The following LRRC37A2 variants were observed in gnomAD, a reference collection of about 807,000 sequenced individuals.
LRRC37A2 encodes the protein leucine rich repeat containing 37 member A2, also known as leucine-rich repeat-containing protein 37A2.
A neutral mutation model predicts 68.8 loss-of-function variants in LRRC37A2; 9 were observed. The ratio of observed to expected loss-of-function variants is 0.13; its 90% CI spans 0.08 to 0.23. The LOEUF (loss-of-function observed/expected upper bound fraction) is 0.23, where lower values mean the gene tolerates loss of function less well. LRRC37A2 is among the 10% of genes least tolerant of loss of function. The pLI is 1.00. For missense variants in LRRC37A2, 168 were observed against 950.4 expected, an observed-to-expected ratio of 0.18 and a Z score of 10.82; for synonymous variants, 63 against 367.6, an observed-to-expected ratio of 0.17 and a Z score of 9.48.
the LRRC37A2 span, among the ~76,000 whole-genome samples, chr17:46,848,932 G>GCACACACA: frequency 0.1 from 15,146 of 146,208 alleles, 794 homozygotes; most frequent in Admixed American, 0.11. Flanking sequence ...GTGTGCACGT[G>GCACACACA]CACACACACA....
chr17:46,921,510 C>T, the LRRC37A2 span, among the ~76,000 whole-genome samples: 3 of 152,158 alleles, frequency 2.0e-5, no homozygotes, highest in African/African-American at 7.2e-5. Flanking sequence ...AGAGCTTCTG[C>T]ACAGCAAAAG....
the LRRC37A2 span, among the ~76,000 whole-genome samples, chr17:46,495,478 A>C: frequency 6.8e-6 from 1 of 147,676 alleles, no homozygotes; most frequent in African/African-American, 2.6e-5. Flanking sequence ...TCCACCTCCC[A>C]GGTTGAAATT....
At chr17:46,405,794 T>C in the LRRC37A2 span, among the ~76,000 whole-genome samples, 1 of 89,460 alleles carries the variant, frequency 1.1e-5, no homozygotes, top group Non-Finnish European at 2.4e-5. Flanking sequence ...AATGAACCCT[T>C]CAGTCATAGA....
the LRRC37A2 span, among the ~76,000 whole-genome samples, chr17:46,597,680 C>CT: frequency 1.4e-5 from 1 of 70,964 alleles, no homozygotes; most frequent in Non-Finnish European, 2.5e-5. Context: ...TGTGTATAGA[C>CT]TTTATTATTT....
chr17:46,407,310 T>TA, the LRRC37A2 span, among the ~76,000 whole-genome samples: 2 of 11,838 alleles, frequency 1.7e-4, no homozygotes, highest in East Asian at 1.2e-3. Context: ...TATGGAGGCT[T>TA]ACGCCTGTAA....
At chr17:47,007,623 A>G in the LRRC37A2 span, among the ~76,000 whole-genome samples, 2 of 152,238 alleles carry the variant, frequency 1.3e-5, no homozygotes, top group African/African-American at 4.8e-5. Flanking sequence ...TCTTTGGCCA[A>G]TAACTGTTCG....
At chr17:46,934,283 C>G in the LRRC37A2 span, among the ~76,000 whole-genome samples, 1 of 152,064 alleles carries the variant, frequency 6.6e-6, no homozygotes, top group Non-Finnish European at 1.5e-5. Flanking sequence ...TGGACAGATT[C>G]CTTGAGCACA....
the LRRC37A2 span, among the ~76,000 whole-genome samples, chr17:46,829,949 G>C: frequency 6.6e-6 from 1 of 152,130 alleles, no homozygotes; most frequent in Non-Finnish European, 1.5e-5. Flanking sequence ...CCTTGGCAGG[G>C]TTAAATGGCA....
chr17:46,997,241 A>T, the LRRC37A2 span, among the ~76,000 whole-genome samples: 2 of 152,050 alleles, frequency 1.3e-5, no homozygotes, highest in East Asian at 1.9e-4. Context: ...AGTCTCAGCT[A>T]CTCAGGTGGC....
chr17:46,931,657 T>TCCC, the LRRC37A2 span: 1 of 279,390 alleles, frequency 3.6e-6, no homozygotes, highest in Admixed American at 5.1e-5. Context: ...CCTTGCCACC[T>TCCC]CCACCCCCAG....
At chr17:46,984,603 G>A in the LRRC37A2 span, among the ~76,000 whole-genome samples, 1 of 152,208 alleles carries the variant, frequency 6.6e-6, no homozygotes, top group Non-Finnish European at 1.5e-5. Context: ...TGCTGTCTCT[G>A]CAGCTGTTTC....
chr17:46,736,732 C>T, the LRRC37A2 span, among the ~76,000 whole-genome samples: 1 of 152,234 alleles, frequency 6.6e-6, no homozygotes, highest in Non-Finnish European at 1.5e-5. Flanking sequence ...TTAAATGAGA[C>T]TACCTTTGTA....
the LRRC37A2 span, among the ~76,000 whole-genome samples, chr17:46,462,179 T>G: frequency 5.5e-4 from 42 of 77,058 alleles, 17 homozygotes; most frequent in South Asian, 0.016. Context: ...GTGATGATAA[T>G]AAAAAGGTAA....
chr17:46,839,929 TTTC>T, the LRRC37A2 span, among the ~76,000 whole-genome samples: 1 of 126,894 alleles, frequency 7.9e-6, no homozygotes, highest in Non-Finnish European at 1.7e-5. Flanking sequence ...TCTTTCTTTC[TTTC>T]TTTCTTTCTT....
At chr17:46,925,507 C>T in the LRRC37A2 span, among the ~76,000 whole-genome samples, 2 of 152,192 alleles carry the variant, frequency 1.3e-5, no homozygotes, top group Non-Finnish European at 2.9e-5. Context: ...TTCTAGACCT[C>T]CTTACTTTAT....
At chr17:46,740,811 AC>A in the LRRC37A2 span, among the ~76,000 whole-genome samples, 1 of 151,898 alleles carries the variant, frequency 6.6e-6, no homozygotes, top group African/African-American at 2.4e-5. Context: ...ACAGGCATGC[AC>A]CACCACGTCC....
the LRRC37A2 span, among the ~76,000 whole-genome samples, chr17:46,822,703 G>C: frequency 2.6e-5 from 4 of 152,322 alleles, no homozygotes; most frequent in Middle Eastern, 3.4e-3. Context: ...GAGCTTAGCT[G>C]GGGATAAGGG....
At chr17:46,763,365 G>GAGT in the LRRC37A2 span, 1 of 152,166 alleles carries the variant, frequency 6.6e-6, no homozygotes, top group African/African-American at 2.4e-5. Flanking sequence ...TCACCTAAGG[G>GAGT]AGTAGGTGAC....
At chr17:46,749,447 G>A in the LRRC37A2 span, among the ~76,000 whole-genome samples, 1 of 152,010 alleles carries the variant, frequency 6.6e-6, no homozygotes, top group African/African-American at 2.4e-5. Context: ...CACCATACAT[G>A]TGCCATGTTG....
Sources: gnomAD v4.1 joint callset for allele counts (sites outside exome capture counted in the v4.1 genomes callset) on GRCh38, gnomAD v4.1.1 for gene constraint, MANE v1.5 for transcripts, NCBI Gene and HGNC (gene_info 2026-07-23, HGNC 2026-07-21) for gene names.